The following RFX7 variants were observed in gnomAD, a reference collection of about 807,000 sequenced individuals.
RFX7 encodes the protein DNA-binding protein RFX7.
Under a neutral mutation model 111.8 loss-of-function variants are expected in RFX7, and 26 were observed. The ratio of observed to expected loss-of-function variants is 0.23; its 90% confidence interval spans 0.17 to 0.32. The LOEUF is 0.32. Among genes scored for constraint, RFX7 ranks in the 10% least tolerant of loss-of-function variants. The probability of loss-of-function intolerance (pLI) is 1.00; values close to 1 mark genes in which losing one functional copy is unlikely to be tolerated. For synonymous variants in RFX7, 624 were observed against 624.4 expected (o/e 1.00, Z 0.01); for missense variants, 1,573 against 1,772.9 (o/e 0.89, Z 2.02).
At chr15:56,225,812 T>C (rs1210180351) in intron 2 of RFX7, among the ~76,000 whole-genome samples, 1 of 152,200 alleles carries the variant, frequency 6.6e-6, no homozygotes, top group African/African-American at 2.4e-5. Context: ...TTTGTAATAA[T>C]ATTTTTATAT....
intron 4 of RFX7, 60 bp from the exon 5 acceptor site, chr15:56,142,960 C>A: frequency 1.3e-6 from 2 of 1,585,002 alleles, no homozygotes; most frequent in Non-Finnish European, 1.7e-6. Context: ...GATTTTTGAG[C>A]TAGGCCTAAA....
chr15:56,171,655 C>A (rs745402447), intron 3 of RFX7, among the ~76,000 whole-genome samples: 28 of 152,166 alleles, frequency 1.8e-4, no homozygotes, highest in Non-Finnish European at 3.8e-4. Flanking sequence ...TGCTGGCACA[C>A]AGAAGTCTAA....
Position 56,087,346 on chromosome 15 carries a change from A to G in RFX7, c.*5999T>C. 2.2e-6 allele frequency: 1 copy of G among 450,176 alleles called. No individual in the cohort carries two copies. Among genetic ancestry groups the G allele is most frequent in the Non-Finnish European group, 4.5e-6 (1 of 223,100 alleles). The allele number at this position is 450,176 out of a possible 1,614,324, so 27.9% of individuals were successfully genotyped here. A position where few individuals can be genotyped will look rare whatever the true frequency, so the allele number is the denominator to read the frequency against. On this transcript the variant is annotated 3_prime_UTR_variant, in exon 10 of 10. Transcript: ENST00000559447. The stretch of plus-strand genomic sequence containing the variant: ...ACACATCCAGAGGTAAGCAGTCAGG[A>G]CTAGTTGGGCATCTTCCCTTCCAAA...
At chr15:56,217,418 CT>C (rs768315071) in intron 2 of RFX7, among the ~76,000 whole-genome samples, 11,254 of 143,562 alleles carry the variant, frequency 0.078, 466 homozygotes, top group Admixed American at 0.12. Context: ...GCTGTTACAA[CT>C]TTTTTTTTTT....
At chr15:56,115,114 A>G (rs1379466772) in intron 5 of RFX7, among the ~76,000 whole-genome samples, 8 of 152,084 alleles carry the variant, frequency 5.3e-5, no homozygotes, top group African/African-American at 1.9e-4. Context: ...GGTTCAAGCA[A>G]TTCTCCTGCC....
At chr15:56,234,788 A>T (rs1222590817) in intron 2 of RFX7, among the ~76,000 whole-genome samples, 4 of 152,232 alleles carry the variant, frequency 2.6e-5, no homozygotes, top group Non-Finnish European at 4.4e-5. Context: ...GCAAGTGATT[A>T]CTTTGTTTCA....
chr15:56,090,491 T>C lies in RFX7; in HGVS notation c.*2854A>G, dbSNP rs2041583085. 6.6e-6 allele frequency: 1 copy of C among 152,638 alleles called. No individual in the cohort carries two copies. Among genetic ancestry groups the C allele is most frequent in the Middle Eastern group, 3.2e-3 (1 of 316 alleles). The allele number at this position is 152,638 out of a possible 1,614,324, so 9.5% of individuals were successfully genotyped here. On this transcript the variant is annotated 3_prime_UTR_variant, in exon 10 of 10. Coordinates refer to ENST00000559447, the MANE Select transcript of RFX7 (RefSeq NM_022841.7). ...CATTGGGTCTGTTTACAAAATGTGT[T>C]GCCTATATAAAATATGTCCCATAAA...
intron 2 of RFX7, among the ~76,000 whole-genome samples, chr15:56,241,080 T>C (rs1309717747): frequency 1.3e-5 from 2 of 152,136 alleles, no homozygotes; most frequent in African/African-American, 4.8e-5. Context: ...AAATAGGATT[T>C]CTAAAGTTGA....
rs1302246356 is a variant in RFX7 at position 56,088,859 on chromosome 15, C to CTTA, written c.*4483_*4485dup. The stretch of plus-strand genomic sequence containing the variant: ...AACTTAGTTCGGCAGATTTCAAATT[C>CTTA]TTATTTTTTCTTCTACATAGTGTAG... On this transcript the variant is annotated 3_prime_UTR_variant, in exon 10 of 10. Coordinates refer to ENST00000559447, the MANE Select transcript of RFX7 (RefSeq NM_022841.7). 6.6e-6 allele frequency: 1 copy of CTTA among 152,114 alleles called. No individual in the cohort carries two copies. Among genetic ancestry groups the CTTA allele is most frequent in the Non-Finnish European group, 1.5e-5 (1 of 68,012 alleles). The allele number at this position is 152,114 out of a possible 1,614,324, so 9.4% of individuals were successfully genotyped here.
intron 5 of RFX7, among the ~76,000 whole-genome samples, chr15:56,117,525 G>T (rs1390136807): frequency 6.6e-6 from 1 of 152,084 alleles, no homozygotes; most frequent in Non-Finnish European, 1.5e-5. Context: ...CGCACTACTT[G>T]AAAGTATACA....
At chr15:56,098,870 G>A (rs2045505924) in intron 8 of RFX7, among the ~76,000 whole-genome samples, 1 of 152,162 alleles carries the variant, frequency 6.6e-6, no homozygotes, top group Non-Finnish European at 1.5e-5. Context: ...AAATTTGTAT[G>A]GAGAAAACAG....
rs1186146994 is a variant in RFX7 at position 56,088,605 on chromosome 15, A to G, written c.*4740T>C. On this transcript the variant is annotated 3_prime_UTR_variant, in exon 10 of 10. Coordinates refer to ENST00000559447, the MANE Select transcript of RFX7 (RefSeq NM_022841.7). ...TATTTTTAAAATTTCAGATGATGCA[A>G]TATTAATAAGTGATCCCATCCATAA... 1 of 151,774 alleles carries G rather than the reference A, an allele frequency of 6.6e-6. No homozygotes were observed. Among genetic ancestry groups the G allele is most frequent in the African/African-American group, 2.4e-5 (1 of 41,090 alleles). The allele number at this position is 151,774 out of a possible 1,614,324, so 9.4% of individuals were successfully genotyped here. A position where few individuals can be genotyped will look rare whatever the true frequency, so the allele number is the denominator to read the frequency against.
At chr15:56,110,253 T>C (rs1384785931) in intron 5 of RFX7, among the ~76,000 whole-genome samples, 2 of 78,716 alleles carry the variant, frequency 2.5e-5, no homozygotes, top group African/African-American at 4.6e-5. Flanking sequence ...AGCCGCCCCG[T>C]CCGGGAGGGA....
chr15:56,206,854 G>A (rs1376954678), intron 2 of RFX7, among the ~76,000 whole-genome samples: 4 of 151,478 alleles, frequency 2.6e-5, no homozygotes, highest in Non-Finnish European at 5.9e-5. Flanking sequence ...GGCTACCAGA[G>A]GCTTGAAGGT....
intron 2 of RFX7, among the ~76,000 whole-genome samples, chr15:56,185,010 C>G (rs1462483185): frequency 6.6e-6 from 1 of 151,960 alleles, no homozygotes; most frequent in African/African-American, 2.4e-5. Context: ...TTTTGTTTTT[C>G]TTCTGCATTA....
chr15:56,100,428 A>G (rs2041737602), intron 8 of RFX7, among the ~76,000 whole-genome samples: 1 of 152,210 alleles, frequency 6.6e-6, no homozygotes, highest in Non-Finnish European at 1.5e-5. Context: ...ACACACACAT[A>G]CATCCCACAT....
At chr15:56,225,765 T>A (rs1228278743) in intron 2 of RFX7, among the ~76,000 whole-genome samples, 1 of 152,186 alleles carries the variant, frequency 6.6e-6, no homozygotes, top group African/African-American at 2.4e-5. Context: ...ACCTGCTTGC[T>A]GACTCACATC....
At chr15:56,157,711 C>G (rs2042670868) in intron 3 of RFX7, among the ~76,000 whole-genome samples, 1 of 152,192 alleles carries the variant, frequency 6.6e-6, no homozygotes. Context: ...TCCTGAGTAG[C>G]TGGGATTATA....
At chr15:56,143,375 A>ACT (rs2042428076) in intron 4 of RFX7, among the ~76,000 whole-genome samples, 2 of 151,478 alleles carry the variant, frequency 1.3e-5, no homozygotes, top group African/African-American at 4.9e-5. Flanking sequence ...ACACACACAC[A>ACT]TATATATGTA....
Sources: allele counts gnomAD v4.1 joint callset (sites outside exome capture counted in the v4.1 genomes callset), GRCh38; gene constraint gnomAD v4.1.1; transcripts MANE v1.5; gene names NCBI Gene and HGNC (gene_info 2026-07-23, HGNC 2026-07-21).